The following EPB41L4B variants were observed in gnomAD, a reference collection of about 807,000 sequenced individuals.
EPB41L4B encodes the protein erythrocyte membrane protein band 4.1 like 4B, also known as band 4.1-like protein 4B.
Under a neutral mutation model 112.5 loss-of-function variants are expected in EPB41L4B, and 30 were observed. That is an observed-to-expected ratio of 0.27 (90% CI 0.20 to 0.36). EPB41L4B has a LOEUF of 0.36. Among genes scored for constraint, EPB41L4B ranks in the 10% least tolerant of loss-of-function variants. The pLI is 1.00. For missense variants in EPB41L4B, 1,024 were observed against 1,133.3 expected (o/e 0.90, Z 1.38); for synonymous variants, 408 against 439.7 (o/e 0.93, Z 0.90).
chr9:109,279,792 G>A (rs769742171), intron 2 of EPB41L4B, 25 bp downstream of exon 2: 3 of 1,591,782 alleles, frequency 1.9e-6, no homozygotes, highest in South Asian at 1.1e-5. Context: ...AATCTGTTCT[G>A]AAATGAATCA....
At position 109,247,736 on chromosome 9, in the gene EPB41L4B, C is replaced by T; in HGVS notation, c.1344+20G>A. On this transcript the variant is annotated intron_variant, in intron 14 of 25. Coordinates refer to ENST00000374566, the MANE Select transcript of EPB41L4B (RefSeq NM_019114.5). ...AAAATTTTCCTTCTTTAAAGAAAACCTTTAAAAGCAGTATCTTACCTGGTA... is the reference window on the plus strand; with the variant it reads ...AAAATTTTCCTTCTTTAAAGAAAACTTTTAAAAGCAGTATCTTACCTGGTA... 7.1e-7 allele frequency: 1 copy of T among 1,399,520 alleles called. No individual in the cohort carries two copies. The highest frequency in any genetic ancestry group is 9.4e-7 in the Non-Finnish European group (1 of 1,066,778). 86.7% of individuals were successfully genotyped at this position (1,399,520 alleles called of 1,614,324 possible).
intron 24 of EPB41L4B, among the ~76,000 whole-genome samples, chr9:109,179,264 T>C (rs750655440): frequency 3.9e-5 from 6 of 152,230 alleles, no homozygotes; most frequent in Non-Finnish European, 7.3e-5. Context: ...GCTCCATCAA[T>C]GCTAGATCGA....
chr9:109,221,358 G>A (rs1208842112), intron 15 of EPB41L4B, among the ~76,000 whole-genome samples: 1 of 152,156 alleles, frequency 6.6e-6, no homozygotes, highest in African/African-American at 2.4e-5. Flanking sequence ...CAAATATGTT[G>A]AAAATAATAT....
intron 25 of EPB41L4B, among the ~76,000 whole-genome samples, chr9:109,175,468 AACACACACACACACACACAC>A (rs59210551): frequency 2.8e-4 from 36 of 129,404 alleles, no homozygotes; most frequent in Non-Finnish European, 4.9e-4. Flanking sequence ...CCACTGTTTA[AACACACACACACACACACAC>A]ACACACACAC....
intron 16 of EPB41L4B, among the ~76,000 whole-genome samples, chr9:109,216,486 C>T (rs1833369716): frequency 6.6e-6 from 1 of 151,742 alleles, no homozygotes; most frequent in Non-Finnish European, 1.5e-5. Flanking sequence ...ACTAAAAATA[C>T]AAAAATTAGT....
chr9:109,305,347 G>A (rs1017073876), intron 1 of EPB41L4B, among the ~76,000 whole-genome samples: 1 of 152,230 alleles, frequency 6.6e-6, no homozygotes, highest in Non-Finnish European at 1.5e-5. Context: ...GGCCGGATGA[G>A]GTGGCCCAGG....
intron 1 of EPB41L4B, among the ~76,000 whole-genome samples, chr9:109,314,500 C>T (rs1170610721): frequency 1.3e-5 from 2 of 152,108 alleles, no homozygotes; most frequent in East Asian, 1.9e-4. Flanking sequence ...GGCTAGGCTG[C>T]GGCCCCTTCC....
intron 1 of EPB41L4B, among the ~76,000 whole-genome samples, chr9:109,307,725 C>T (rs569414373): frequency 5.3e-5 from 8 of 152,238 alleles, no homozygotes; most frequent in South Asian, 4.2e-4. Context: ...TACAGTCTAC[C>T]GGCCTTCCCT....
chr9:109,277,880 T>G (rs1777487440), intron 2 of EPB41L4B, among the ~76,000 whole-genome samples: 1 of 152,162 alleles, frequency 6.6e-6, no homozygotes, highest in African/African-American at 2.4e-5. Context: ...GAATGGGGAC[T>G]GGCAGAATTC....
At chr9:109,303,620 T>G (rs1175880225) in intron 1 of EPB41L4B, among the ~76,000 whole-genome samples, 1 of 152,170 alleles carries the variant, frequency 6.6e-6, no homozygotes, top group Non-Finnish European at 1.5e-5. Context: ...CCTAAAGTAC[T>G]GGGATCACAG....
At chr9:109,295,840 T>G (rs1204452159) in intron 1 of EPB41L4B, among the ~76,000 whole-genome samples, 1 of 152,092 alleles carries the variant, frequency 6.6e-6, no homozygotes, top group East Asian at 1.9e-4. Context: ...TTTTTCTGTT[T>G]TTTTTTCTTT....
At chr9:109,263,154 A>G (rs770327809) in intron 5 of EPB41L4B, 52 bp from the exon 6 acceptor site, 48 of 1,122,626 alleles carry the variant, frequency 4.3e-5, no homozygotes, top group Non-Finnish European at 6.3e-5. Context: ...AAGTACAACC[A>G]TACAAAATGT....
chr9:109,223,032 T>C (rs1283948741), intron 15 of EPB41L4B, among the ~76,000 whole-genome samples: 2 of 152,100 alleles, frequency 1.3e-5, no homozygotes, highest in Non-Finnish European at 2.9e-5. Context: ...GAACAAGTGA[T>C]GTTACAGGGG....
At chr9:109,288,678 G>C (rs553438166) in intron 1 of EPB41L4B, among the ~76,000 whole-genome samples, 18,541 of 127,442 alleles carry the variant, frequency 0.15, 1,452 homozygotes, top group Middle Eastern at 0.28. Context: ...AGCCGAGATC[G>C]TGCCACTGCA....
chr9:109,225,121 G>A (rs1833714276), intron 15 of EPB41L4B, among the ~76,000 whole-genome samples: 1 of 152,218 alleles, frequency 6.6e-6, no homozygotes, highest in Admixed American at 6.5e-5. Flanking sequence ...TAGGAACAGA[G>A]ACTGTCACAT....
At chr9:109,270,912 A>G (rs889309481) in intron 2 of EPB41L4B, among the ~76,000 whole-genome samples, 1 of 152,212 alleles carries the variant, frequency 6.6e-6, no homozygotes. Context: ...CATTAAACAG[A>G]GTCTCAGAGC....
At chr9:109,280,717 G>A (rs567745908) in intron 1 of EPB41L4B, among the ~76,000 whole-genome samples, 3 of 152,108 alleles carry the variant, frequency 2.0e-5, no homozygotes, top group East Asian at 3.9e-4. Flanking sequence ...TCACCCAAGC[G>A]GAGCAGACAC....
chr9:109,296,612 G>A (rs1836739082), intron 1 of EPB41L4B, among the ~76,000 whole-genome samples: 1 of 152,064 alleles, frequency 6.6e-6, no homozygotes, highest in Non-Finnish European at 1.5e-5. Flanking sequence ...GAGGCCAGGT[G>A]CAGTGGCTCA....
rs1285893754 is a variant in EPB41L4B at position 109,320,256 on chromosome 9, CCGCCGCCCGCCGGGAACA to C, written c.173_190del (p.Val58_Gly63del). 4.1e-6 allele frequency: 5 copies of C among 1,216,200 alleles called. No individual in the cohort carries two copies. The highest frequency in any genetic ancestry group is 5.1e-6 in the Non-Finnish European group (5 of 972,570). 75.3% of individuals were successfully genotyped at this position (1,216,200 alleles called of 1,614,324 possible). A position where few individuals can be genotyped will look rare whatever the true frequency, so the allele number is the denominator to read the frequency against. On this transcript the variant is annotated inframe_deletion, in exon 1 of 26. Transcript: ENST00000374566. ...GGCCGCGCCGCCGGTGAGCAGGGGC[CCGCCGCCCGCCGGGAACA>C]CGCTGCCCCCGGGCGCGGCGGGCAG... is the stretch of plus-strand genomic sequence containing the variant.
Sources: gnomAD v4.1 joint callset for allele counts (sites outside exome capture counted in the v4.1 genomes callset) on GRCh38, gnomAD v4.1.1 for gene constraint, MANE v1.5 for transcripts, NCBI Gene and HGNC (gene_info 2026-07-23, HGNC 2026-07-21) for gene names.